The following RFX3 variants were observed in gnomAD, a reference collection of about 807,000 sequenced individuals.
RFX3 encodes regulatory factor X3, also known as transcription factor RFX3.
RFX3 carries 14 observed loss-of-function variants against 98.6 expected under a neutral mutation model. The observed-to-expected ratio is 0.14, with a 90% CI of 0.09 to 0.22. The LOEUF (loss-of-function observed/expected upper bound fraction) is 0.22, where lower values mean the gene tolerates loss of function less well. RFX3 is among the 10% of genes least tolerant of loss of function. The pLI is 1.00. For missense variants in RFX3, 639 were observed against 926.9 expected, an observed-to-expected ratio of 0.69 and a Z score of 4.03; for synonymous variants, 383 against 328.4, an observed-to-expected ratio of 1.17 and a Z score of -1.80.
chr9:3,420,071 C>T (rs1423044102), intron 1 of RFX3, among the ~76,000 whole-genome samples: 9 of 152,180 alleles, frequency 5.9e-5, no homozygotes, highest in African/African-American at 1.9e-4. Context: ...GAAAGAACGT[C>T]GGGGCCCGCA....
At chr9:3,338,953 G>C (rs957230355) in intron 3 of RFX3, among the ~76,000 whole-genome samples, 1 of 151,988 alleles carries the variant, frequency 6.6e-6, no homozygotes, top group Non-Finnish European at 1.5e-5. Context: ...GCCGGGCGTG[G>C]TGGCGTGTGG....
chr9:3,282,652 T>C (rs950660720), intron 7 of RFX3, among the ~76,000 whole-genome samples: 1 of 151,808 alleles, frequency 6.6e-6, no homozygotes, highest in African/African-American at 2.4e-5. Context: ...CCTCTAAGCA[T>C]AGGTGGTTTA....
intron 2 of RFX3, among the ~76,000 whole-genome samples, chr9:3,349,514 A>G (rs1834833894): frequency 1.3e-5 from 2 of 152,078 alleles, no homozygotes; most frequent in Non-Finnish European, 2.9e-5. Flanking sequence ...CCAAAACTAT[A>G]AAACAGGCAA....
chr9:3,463,597 A>C (rs1587753970), intron 1 of RFX3, among the ~76,000 whole-genome samples: 1 of 152,166 alleles, frequency 6.6e-6, no homozygotes, highest in Non-Finnish European at 1.5e-5. Context: ...TGGAAAACAT[A>C]TCTCTGATAA....
intron 14 of RFX3, among the ~76,000 whole-genome samples, chr9:3,253,663 T>C (rs1821728487): frequency 6.6e-6 from 1 of 152,184 alleles, no homozygotes; most frequent in East Asian, 1.9e-4. Context: ...CAACTGCTAT[T>C]ATGATTCTCG....
intron 2 of RFX3, among the ~76,000 whole-genome samples, chr9:3,350,164 G>C (rs1282835675): frequency 6.6e-6 from 1 of 152,030 alleles, no homozygotes; most frequent in East Asian, 1.9e-4. Context: ...AAGACACTGT[G>C]AAGAAAATGA....
In RFX3 at chr9:3,512,306, A is replaced by T. The variant is rs190874282; in HGVS notation, c.-9+13441T>A. Among the ~76,000 whole-genome samples, 185 of 152,160 alleles carry T rather than the reference A, an allele frequency of 1.2e-3. 1 individual carries two copies. The highest frequency in any genetic ancestry group is 4.1e-3 in the African/African-American group (172 of 41,570). ...AATTATATAGCTTTAGAGCAATAGA[A>T]GGTACTACTTTGTTAAATCCATATA... On this transcript the variant is annotated intron_variant, in intron 1 of 16. Transcript: ENST00000617270.
intron 1 of RFX3, among the ~76,000 whole-genome samples, chr9:3,458,811 A>C (rs549898777): frequency 6.6e-6 from 1 of 152,332 alleles, no homozygotes; most frequent in Admixed American, 6.5e-5. Context: ...TAAGCTACCA[A>C]TAAGTAAAGA....
chr9:3,385,778 G>A (rs1045117170), intron 2 of RFX3, among the ~76,000 whole-genome samples: 1 of 151,372 alleles, frequency 6.6e-6, no homozygotes, highest in South Asian at 2.1e-4. Context: ...TTGCACTAAA[G>A]GAATAGTTTA....
intron 1 of RFX3, among the ~76,000 whole-genome samples, chr9:3,415,977 T>C (rs1225515289): frequency 6.6e-6 from 1 of 152,224 alleles, no homozygotes; most frequent in African/African-American, 2.4e-5. Context: ...TACCTGCTCA[T>C]AGTAACTTCA....
intron 6 of RFX3, among the ~76,000 whole-genome samples, chr9:3,290,998 G>C (rs1827258395): frequency 6.6e-6 from 1 of 152,098 alleles, no homozygotes; most frequent in African/African-American, 2.4e-5. Context: ...ATTCCAGAGG[G>C]GTCCTCCTAT....
intron 1 of RFX3, among the ~76,000 whole-genome samples, chr9:3,495,015 C>A (rs943262892): frequency 1.3e-5 from 2 of 151,932 alleles, no homozygotes; most frequent in Non-Finnish European, 2.9e-5. Flanking sequence ...CCTAGTAATT[C>A]TATCAATATG....
At chr9:3,457,231 C>T (rs1331944136) in intron 1 of RFX3, among the ~76,000 whole-genome samples, 1 of 149,112 alleles carries the variant, frequency 6.7e-6, no homozygotes, top group African/African-American at 2.5e-5. Context: ...GAGAATTCTA[C>T]CTTTTCCTCT....
intron 1 of RFX3, among the ~76,000 whole-genome samples, chr9:3,476,277 C>T (rs1033394720): frequency 6.6e-6 from 1 of 151,848 alleles, no homozygotes; most frequent in African/African-American, 2.4e-5. Flanking sequence ...TACACTGGAA[C>T]AACTCGTGCC....
intron 3 of RFX3, among the ~76,000 whole-genome samples, chr9:3,333,979 G>A (rs1010838713): frequency 5.3e-5 from 8 of 151,902 alleles, no homozygotes; most frequent in African/African-American, 1.7e-4. Flanking sequence ...TTCCTATTTC[G>A]CATACAAGGT....
intron 1 of RFX3, among the ~76,000 whole-genome samples, chr9:3,451,061 T>G (rs549090095): frequency 2.6e-4 from 40 of 152,288 alleles, no homozygotes; most frequent in Non-Finnish European, 5.4e-4. Context: ...TGGAGCATCC[T>G]GCAGTGTAGG....
intron 1 of RFX3, among the ~76,000 whole-genome samples, chr9:3,525,142 G>A (rs1450184804): frequency 6.6e-6 from 1 of 151,874 alleles, no homozygotes; most frequent in African/African-American, 2.4e-5. Flanking sequence ...GGCAAAGAGG[G>A]GCAAAAATGA....
chr9:3,252,901 T>C (rs898733737), intron 14 of RFX3, among the ~76,000 whole-genome samples: 4 of 152,242 alleles, frequency 2.6e-5, no homozygotes, highest in African/African-American at 9.6e-5. Flanking sequence ...AAGAATCAGT[T>C]GAATTGTATC....
chr9:3,360,555 T>C (rs1836301101), intron 2 of RFX3, among the ~76,000 whole-genome samples: 1 of 152,174 alleles, frequency 6.6e-6, no homozygotes, highest in African/African-American at 2.4e-5. Flanking sequence ...ATATGCATGA[T>C]GTATTTACAT....
Sources: allele counts gnomAD v4.1 joint callset (sites outside exome capture counted in the v4.1 genomes callset), GRCh38; gene constraint gnomAD v4.1.1; transcripts MANE v1.5; gene names NCBI Gene and HGNC (gene_info 2026-07-23, HGNC 2026-07-21).